The following SGCD variants were observed in gnomAD, a reference collection of about 807,000 sequenced individuals.
The protein encoded by SGCD is delta-sarcoglycan.
A neutral mutation model predicts 36.6 loss-of-function variants in SGCD; 18 were observed. The ratio of observed to expected loss-of-function variants is 0.49; its 90% CI spans 0.34 to 0.73. The LOEUF is 0.73. Among genes scored for constraint, SGCD ranks in the 30% least tolerant of loss-of-function variants. The pLI is 0.01. For missense variants in SGCD, 387 were observed against 346.7 expected (o/e 1.12, Z -0.92); for synonymous variants, 133 against 130.6 (o/e 1.02, Z -0.12).
intron 3 of SGCD, chr5:156,458,473 C>T: frequency 6.2e-7 from 1 of 1,609,542 alleles, no homozygotes. Flanking sequence ...AGCTCATCCC[C>T]AACACAGTCA....
chr5:156,101,692 T>C (rs1761519439), intron 1 of SGCD, among the ~76,000 whole-genome samples: 1 of 152,188 alleles, frequency 6.6e-6, no homozygotes, highest in African/African-American at 2.4e-5. Flanking sequence ...CTTTCTTTGG[T>C]ATATTTACTA....
intron 3 of SGCD, among the ~76,000 whole-genome samples, chr5:156,279,683 T>C (rs1766400779): frequency 6.6e-6 from 1 of 151,776 alleles, no homozygotes; most frequent in Non-Finnish European, 1.5e-5. Flanking sequence ...ATTTTTTCTC[T>C]TTTTTTGTGT....
chr5:156,073,338 A>C lies in SGCD; in HGVS notation c.-281-44540A>C, dbSNP rs181922864. On this transcript the variant is annotated intron_variant, in intron 1 of 9. Coordinates refer to the SGCD transcript ENST00000517913. ...TTTGGGAGGCCAAGGTGGGAGGATTACTTTAGCCCAGGATTTCAAGACCAG... is the reference window on the plus strand; with the variant it reads ...TTTGGGAGGCCAAGGTGGGAGGATTCCTTTAGCCCAGGATTTCAAGACCAG... 5.3e-5 allele frequency among the ~76,000 whole-genome samples: 8 copies of C among 152,312 alleles called. 1 individual carries two copies. The East Asian group carries it at 1.5e-3, about 29-fold the overall frequency.
chr5:156,132,735 G>A (rs967013664), intron 3 of SGCD, among the ~76,000 whole-genome samples: 4 of 151,600 alleles, frequency 2.6e-5, no homozygotes, highest in African/African-American at 4.9e-5. Flanking sequence ...CCCAAAGTGC[G>A]GGGATTACAG....
rs115303040 is a variant in SGCD, at chr5:156,742,810, C to G, written c.576-14771C>G. On this transcript the variant is annotated intron_variant, in intron 7 of 8. Coordinates refer to ENST00000337851, the MANE Select transcript of SGCD (RefSeq NM_000337.6). The stretch of plus-strand genomic sequence containing the variant: ...CTAATGTCTCAAGTAGGCAGGCAGG[C>G]AGGCAACGTTATCTCTTGCTCAGTT... Among the ~76,000 whole-genome samples, 340 of 152,254 alleles carry G rather than the reference C, an allele frequency of 2.2e-3. 2 individuals carry two copies. The highest frequency in any genetic ancestry group is 8.0e-3 in the African/African-American group (331 of 41,538).
chr5:156,204,255 A>G (rs1764216514), intron 3 of SGCD, among the ~76,000 whole-genome samples: 1 of 152,082 alleles, frequency 6.6e-6, no homozygotes, highest in Non-Finnish European at 1.5e-5. Flanking sequence ...TGGCCAGCAC[A>G]GAGCTTTTTG....
intron 1 of SGCD, among the ~76,000 whole-genome samples, chr5:156,043,452 T>C (rs140441412): frequency 1.3e-5 from 2 of 152,262 alleles, no homozygotes; most frequent in Non-Finnish European, 2.9e-5. Context: ...TTCTCAGGGG[T>C]TTGGCAAAAT....
intron 1 of SGCD, among the ~76,000 whole-genome samples, chr5:156,020,943 C>G (rs1413914188): frequency 2.6e-5 from 4 of 152,190 alleles, no homozygotes; most frequent in African/African-American, 9.6e-5. Context: ...ATGTCTGGAA[C>G]AGAACAAAAC....
chr5:156,070,239 C>T (rs202210962), intron 1 of SGCD, among the ~76,000 whole-genome samples: 1 of 151,882 alleles, frequency 6.6e-6, no homozygotes, highest in Non-Finnish European at 1.5e-5. Flanking sequence ...CCAGTTTTTG[C>T]CCATTCAGTA....
chr5:156,002,706 G>A (rs2127568419), intron 1 of SGCD, among the ~76,000 whole-genome samples: 2 of 152,282 alleles, frequency 1.3e-5, no homozygotes, highest in Middle Eastern at 6.8e-3. Context: ...GCTTCAAAAA[G>A]CAGACTCCTG....
At chr5:156,697,867 A>C (rs964063575) in intron 7 of SGCD, among the ~76,000 whole-genome samples, 3 of 152,172 alleles carry the variant, frequency 2.0e-5, no homozygotes, top group African/African-American at 7.2e-5. Flanking sequence ...TATATAGTTT[A>C]GGATTTTATT....
intron 3 of SGCD, among the ~76,000 whole-genome samples, chr5:156,238,109 C>G (rs1765212135): frequency 6.6e-6 from 1 of 152,008 alleles, no homozygotes; most frequent in Non-Finnish European, 1.5e-5. Context: ...CCACACCAGG[C>G]TAATTTCTTC....
At chr5:156,243,603 C>G (rs760354893) in intron 3 of SGCD, among the ~76,000 whole-genome samples, 1 of 152,052 alleles carries the variant, frequency 6.6e-6, no homozygotes, top group South Asian at 2.1e-4. Flanking sequence ...TGAGATAGCA[C>G]GGAAACAGTG....
intron 1 of SGCD, among the ~76,000 whole-genome samples, chr5:155,916,007 T>C (rs141635716): frequency 1.7e-4 from 26 of 152,296 alleles, no homozygotes; most frequent in African/African-American, 5.8e-4. Context: ...AAAAATACTT[T>C]ACAGAATTAA....
intron 3 of SGCD, among the ~76,000 whole-genome samples, chr5:156,478,865 G>A (rs1342414098): frequency 6.6e-6 from 1 of 152,102 alleles, no homozygotes; most frequent in African/African-American, 2.4e-5. Context: ...ATAGGGCTGA[G>A]CCACTGTGCC....
At chr5:156,272,108 C>A (rs978913847) in intron 3 of SGCD, among the ~76,000 whole-genome samples, 1 of 151,710 alleles carries the variant, frequency 6.6e-6, no homozygotes, top group Non-Finnish European at 1.5e-5. Context: ...GTTAGTGCAC[C>A]CATCACTCAA....
intron 4 of SGCD, among the ~76,000 whole-genome samples, chr5:156,513,713 C>A (rs1223528073): frequency 6.6e-6 from 1 of 152,186 alleles, no homozygotes; most frequent in Admixed American, 6.5e-5. Context: ...AAGGTTGCAA[C>A]CCTAGTAAAG....
Position 156,419,798 on chromosome 5 carries a change from T to A in SGCD, c.192+75121T>A, listed in dbSNP as rs377709849. Among the ~76,000 whole-genome samples, 5 of 152,292 alleles carry A rather than the reference T, an allele frequency of 3.3e-5. No homozygotes were observed. The South Asian group carries it at 8.3e-4, about 25-fold the overall frequency. On this transcript the variant is annotated intron_variant, in intron 3 of 8. Transcript: ENST00000337851. ...TTTCTGCACTAGGACCTAGGCCTAT[T>A]CCCATGGTTACATGGCAGAATAGGC...
chr5:156,136,448 C>A (rs1291734401), intron 3 of SGCD, among the ~76,000 whole-genome samples: 3 of 152,032 alleles, frequency 2.0e-5, no homozygotes, highest in African/African-American at 7.2e-5. Flanking sequence ...TTTCTTTTTT[C>A]TCAGAAATGG....
Sources: allele counts gnomAD v4.1 joint callset (sites outside exome capture counted in the v4.1 genomes callset), GRCh38; gene constraint gnomAD v4.1.1; transcripts MANE v1.5; gene names NCBI Gene and HGNC (gene_info 2026-07-23, HGNC 2026-07-21).